Variants in PRDM16 observed in about 807,000 individuals in gnomAD.
PRDM16 encodes PR/SET domain 16.
A neutral mutation model predicts 110.6 loss-of-function variants in PRDM16; 23 were observed. The ratio of observed to expected loss-of-function variants is 0.21; its 90% CI spans 0.15 to 0.29. The LOEUF is 0.29. Among genes scored for constraint, PRDM16 ranks in the 10% least tolerant of loss-of-function variants. The pLI is 1.00. For synonymous variants in PRDM16, 799 were observed against 781.8 expected (o/e 1.02, Z -0.37); for missense variants, 1,615 against 1,794.3 (o/e 0.90, Z 1.81).
At chr1:3,314,961 G>C (rs1170186167) in intron 3 of PRDM16, among the ~76,000 whole-genome samples, 4 of 152,150 alleles carry the variant, frequency 2.6e-5, no homozygotes, top group African/African-American at 9.7e-5. Context: ...GAAATGTGCG[G>C]ATTAGCCATA....
chr1:3,231,485 C>G (rs563708506), intron 2 of PRDM16, among the ~76,000 whole-genome samples: 1 of 152,230 alleles, frequency 6.6e-6, no homozygotes, highest in Non-Finnish European at 1.5e-5. Context: ...ATGAGGGCGT[C>G]GAGGCTGCTC....
intron 1 of PRDM16, among the ~76,000 whole-genome samples, chr1:3,114,179 A>G (rs143090172): frequency 1.2e-3 from 81 of 70,104 alleles, no homozygotes; most frequent in African/African-American, 1.4e-3. Flanking sequence ...ACACACGCAC[A>G]CACACGCACA....
At chr1:3,403,073 CCT>C (rs1643501356) in intron 6 of PRDM16, 75 bp downstream of exon 6, 5 of 1,278,878 alleles carry the variant, frequency 3.9e-6, no homozygotes, top group Non-Finnish European at 4.4e-6. Context: ...CCCGTGCCCT[CCT>C]CTGAGTCTTC....
chr1:3,404,597 G>T, intron 6 of PRDM16, 142 bp from the exon 7 acceptor site: 1 of 1,011,034 alleles, frequency 9.9e-7, no homozygotes, highest in South Asian at 1.6e-5. Context: ...GGTGGGCAGG[G>T]AGACACCAGC....
intron 3 of PRDM16, among the ~76,000 whole-genome samples, chr1:3,260,467 A>G (rs1240491683): frequency 6.6e-6 from 1 of 152,094 alleles, no homozygotes; most frequent in Non-Finnish European, 1.5e-5. Flanking sequence ...AGTGGAAATA[A>G]TAACTTTTGC....
At chr1:3,179,682 C>A (rs1039843209) in intron 1 of PRDM16, among the ~76,000 whole-genome samples, 1 of 152,256 alleles carries the variant, frequency 6.6e-6, no homozygotes, top group Non-Finnish European at 1.5e-5. Flanking sequence ...AAGGGGCCGC[C>A]CGCTCTCAAG....
chr1:3,381,616 C>T (rs945499859), intron 3 of PRDM16, among the ~76,000 whole-genome samples: 12 of 152,106 alleles, frequency 7.9e-5, no homozygotes, highest in Admixed American at 5.2e-4. Context: ...GTCTTGAACT[C>T]CTGACCTCAG....
chr1:3,075,723 G>A (rs1274800760), intron 1 of PRDM16, among the ~76,000 whole-genome samples: 2 of 152,274 alleles, frequency 1.3e-5, no homozygotes, highest in Admixed American at 6.5e-5. Flanking sequence ...TGGCGGTGCC[G>A]TTTCCGAACC....
At chr1:3,275,498 G>A (rs562672561) in intron 3 of PRDM16, among the ~76,000 whole-genome samples, 12 of 152,250 alleles carry the variant, frequency 7.9e-5, no homozygotes, top group East Asian at 1.9e-4. Context: ...CAGGACTTCC[G>A]GACAAACAGT....
intron 3 of PRDM16, among the ~76,000 whole-genome samples, chr1:3,314,659 CT>C (rs1379862251): frequency 6.6e-6 from 1 of 151,894 alleles, no homozygotes; most frequent in Non-Finnish European, 1.5e-5. Flanking sequence ...GTTGTTTCCC[CT>C]AATCGCCTTC....
intron 3 of PRDM16, among the ~76,000 whole-genome samples, chr1:3,247,606 C>T (rs1639816915): frequency 6.6e-6 from 1 of 152,244 alleles, no homozygotes; most frequent in Non-Finnish European, 1.5e-5. Flanking sequence ...CCTGGACTCC[C>T]GCGTTCCCTC....
rs377178878 is a variant in PRDM16 at position 3,381,274 on chromosome 1, G to T, written c.439-3878G>T. On this transcript the variant is annotated intron_variant, in intron 3 of 16. Coordinates refer to ENST00000270722, the MANE Select transcript of PRDM16 (RefSeq NM_022114.4). ...CAAGCACACACCCAGATACATGCAC[G>T]CCTGGATGGCGAGGGGCTTGGAAGC... 7.9e-5 allele frequency among the ~76,000 whole-genome samples: 12 copies of T among 152,316 alleles called. 1 individual carries two copies. The highest frequency in any genetic ancestry group is 2.9e-4 in the African/African-American group (12 of 41,568).
chr1:3,073,500 C>T (rs1189294277), intron 1 of PRDM16, among the ~76,000 whole-genome samples: 1 of 152,188 alleles, frequency 6.6e-6, no homozygotes, highest in African/African-American at 2.4e-5. Context: ...CAGCTCCCGT[C>T]GCCGGCGCGG....
chr1:3,274,698 C>G (rs1382557342), intron 3 of PRDM16, among the ~76,000 whole-genome samples: 2 of 152,352 alleles, frequency 1.3e-5, no homozygotes, highest in South Asian at 2.1e-4. Flanking sequence ...ATTACAGACT[C>G]TGTCTGCACA....
intron 1 of PRDM16, among the ~76,000 whole-genome samples, chr1:3,070,971 C>T (rs1641743180): frequency 6.6e-6 from 1 of 152,256 alleles, no homozygotes; most frequent in African/African-American, 2.4e-5. Flanking sequence ...CGTTTCGCCG[C>T]CGACGCGAAG....
At position 3,190,780 on chromosome 1, in the gene PRDM16, G is replaced by A. The variant is rs1276729830; in HGVS notation, c.387+4306G>A. Among the ~76,000 whole-genome samples, 2 of 152,224 alleles carry A rather than the reference G, an allele frequency of 1.3e-5. No homozygotes were observed. The highest frequency in any genetic ancestry group is 2.9e-5 in the Non-Finnish European group (2 of 68,036). ...CGTGAGCGCATTTGCTCGCCGTGGGGTCTGCAAAAACAATGATTTTCACAT... is the reference window on the plus strand; with the variant it reads ...CGTGAGCGCATTTGCTCGCCGTGGGATCTGCAAAAACAATGATTTTCACAT... On this transcript the variant is annotated intron_variant, in intron 2 of 16. Coordinates refer to ENST00000270722, the MANE Select transcript of PRDM16 (RefSeq NM_022114.4). This position sits in a 1 kb window ranked among gnomAD's most constrained non-coding sequence, Gnocchi z 5.0.
chr1:3,108,903 TAAA>T lies in PRDM16; in HGVS notation c.37+39618_37+39620del, dbSNP rs34467003. Among the ~76,000 whole-genome samples the T allele has an allele frequency of 1.2e-4, 17 of 146,234 alleles. No individual in the cohort carries two copies. In the East Asian group the frequency reaches 2.4e-3, roughly 20 times the overall value. ...CAACATGATGAAACCCTGTCTCTAC[TAAA>T]AAAAAAAAAATACAAAAATACAAAA... is the stretch of plus-strand genomic sequence containing the variant. On this transcript the variant is annotated intron_variant, in intron 1 of 16. Coordinates refer to ENST00000270722, the MANE Select transcript of PRDM16 (RefSeq NM_022114.4).
rs1372397317 is a variant in PRDM16 at position 3,434,531 on chromosome 1, G to C, written c.*720G>C. The stretch of plus-strand genomic sequence containing the variant: ...TGCCCCGAGGCAGAACAAGAGGCGC[G>C]GGGCCACACCCGTGAACCATGCAGA... On this transcript the variant is annotated 3_prime_UTR_variant, in exon 17 of 17. Coordinates refer to ENST00000270722, the MANE Select transcript of PRDM16 (RefSeq NM_022114.4). The C allele has an allele frequency of 4.3e-6, 1 of 231,534 alleles. No individual in the cohort carries two copies. Among genetic ancestry groups the C allele is most frequent in the East Asian group, 6.1e-5 (1 of 16,368 alleles). 14.3% of individuals were successfully genotyped at this position (231,534 alleles called of 1,614,324 possible).
At chr1:3,415,731 G>A (rs772369937) in intron 10 of PRDM16, among the ~76,000 whole-genome samples, 8 of 152,224 alleles carry the variant, frequency 5.3e-5, no homozygotes, top group Non-Finnish European at 8.8e-5. Flanking sequence ...CCTCCTGCCC[G>A]CTGCCCCCAC....
Sources: allele counts gnomAD v4.1 joint callset (sites outside exome capture counted in the v4.1 genomes callset), GRCh38; gene constraint gnomAD v4.1.1; non-coding constraint Gnocchi (gnomAD v3.1); transcripts MANE v1.5; gene names NCBI Gene and HGNC (gene_info 2026-07-23, HGNC 2026-07-21).